Variants in CNTLN observed in about 807,000 individuals in gnomAD.
CNTLN encodes the protein centlein, centrosomal protein.
Under a neutral mutation model 180.0 loss-of-function variants are expected in CNTLN, and 212 were observed. That is an observed-to-expected ratio of 1.18 (90% confidence interval 1.05 to 1.32). The LOEUF is 1.32. Ranked by LOEUF, CNTLN falls within the 40% of genes most tolerant of loss-of-function variation. CNTLN has a pLI of 0.00. For missense variants in CNTLN, 2,095 were observed against 1,610.9 expected, an observed-to-expected ratio of 1.30 and a Z score of -5.14; for synonymous variants, 722 against 563.1, an observed-to-expected ratio of 1.28 and a Z score of -3.99.
rs770575198 is a variant in CNTLN, at chr9:17,273,867, G to T, written c.983+1G>T. 1 of 1,540,712 alleles carries T rather than the reference G, an allele frequency of 6.5e-7. No individual in the cohort carries two copies. Among genetic ancestry groups the T allele is most frequent in the South Asian group, 1.3e-5 (1 of 78,668 alleles). Reference sequence around the variant, plus strand: ...AGGATATGGATATTACCCTGGTCAGGCAAGTATATTCAATTTTTAATTTAA... The same window carrying T: ...AGGATATGGATATTACCCTGGTCAGTCAAGTATATTCAATTTTTAATTTAA... On this transcript the variant is annotated splice_donor_variant, in intron 6 of 25. Transcript: ENST00000380647. LOFTEE classifies it high-confidence loss of function.
chr9:17,181,743 C>T (rs976392148), intron 2 of CNTLN, among the ~76,000 whole-genome samples: 1 of 152,228 alleles, frequency 6.6e-6, no homozygotes, highest in African/African-American at 2.4e-5. Flanking sequence ...TTAGGTTCCC[C>T]TCTGGTCTCT....
Position 17,242,935 on chromosome 9 carries a change from A to AG in CNTLN, c.849+6347_849+6348insG, listed in dbSNP as rs1825585122. ...GCAGGATTGGTGTTAGCTCTTATTT[A>AG]AAAGTTTGGTAGAAATCAGCGGTGA... On this transcript the variant is annotated intron_variant, in intron 5 of 25. Coordinates refer to ENST00000380647, the MANE Select transcript of CNTLN (RefSeq NM_017738.4). Among the ~76,000 whole-genome samples the AG allele has an allele frequency of 3.3e-5, 5 of 152,244 alleles. No homozygotes were observed. In the South Asian group the frequency reaches 1.0e-3, roughly 32 times the overall value.
At chr9:17,446,443 AATG>A (rs1330367675) in intron 18 of CNTLN, among the ~76,000 whole-genome samples, 4 of 152,156 alleles carry the variant, frequency 2.6e-5, no homozygotes, top group Non-Finnish European at 5.9e-5. Context: ...TGGAGCTGCA[AATG>A]ATGATCTTTA....
intron 2 of CNTLN, among the ~76,000 whole-genome samples, chr9:17,198,809 T>G (rs1488389270): frequency 1.3e-5 from 2 of 152,052 alleles, no homozygotes; most frequent in Admixed American, 6.6e-5. Context: ...TTTAGTTTGC[T>G]GAGGATGATA....
chr9:17,170,724 C>T (rs1451776803), intron 2 of CNTLN, among the ~76,000 whole-genome samples: 1 of 151,466 alleles, frequency 6.6e-6, no homozygotes, highest in Non-Finnish European at 1.5e-5. Flanking sequence ...TTTAATCATC[C>T]ATCTGTGTTC....
the CNTLN span, among the ~76,000 whole-genome samples, chr9:17,510,532 AG>A: frequency 1.3e-5 from 2 of 152,170 alleles, no homozygotes; most frequent in African/African-American, 2.4e-5. Flanking sequence ...TCAGTAAAGC[AG>A]ATTGCCCTCC....
intron 7 of CNTLN, chr9:17,301,388 G>C (rs991248383): frequency 1.3e-5 from 13 of 985,334 alleles, no homozygotes; most frequent in Non-Finnish European, 1.6e-5. Context: ...TTGTGTTTGT[G>C]AATGATATTG....
intron 8 of CNTLN, among the ~76,000 whole-genome samples, chr9:17,315,755 C>A (rs1288799498): frequency 1.3e-5 from 2 of 151,698 alleles, no homozygotes; most frequent in African/African-American, 4.8e-5. Context: ...GATGTTTTAC[C>A]CATCTATATT....
chr9:17,360,351 A>G (rs1207894868), intron 12 of CNTLN, among the ~76,000 whole-genome samples: 5 of 152,174 alleles, frequency 3.3e-5, no homozygotes, highest in African/African-American at 9.6e-5. Flanking sequence ...AGCATGGGTA[A>G]GTGGGAATTT....
intron 16 of CNTLN, among the ~76,000 whole-genome samples, chr9:17,415,474 C>T (rs1476137935): frequency 6.6e-6 from 1 of 152,088 alleles, no homozygotes; most frequent in African/African-American, 2.4e-5. Context: ...TCTGTATCTT[C>T]TGCCTGCTGG....
chr9:17,199,146 A>G (rs915695546), intron 2 of CNTLN, among the ~76,000 whole-genome samples: 3 of 151,740 alleles, frequency 2.0e-5, no homozygotes, highest in Non-Finnish European at 2.9e-5. Context: ...ACTGCCACCA[A>G]CAGTATAAAA....
chr9:17,470,599 G>A (rs1392585638), intron 23 of CNTLN, among the ~76,000 whole-genome samples: 1 of 151,900 alleles, frequency 6.6e-6, no homozygotes, highest in Non-Finnish European at 1.5e-5. Flanking sequence ...TGAGCATCTG[G>A]GCTGGATATA....
chr9:17,146,927 T>C (rs879404154), intron 2 of CNTLN, among the ~76,000 whole-genome samples: 4 of 152,186 alleles, frequency 2.6e-5, no homozygotes, highest in Admixed American at 2.6e-4. Context: ...GGGTAACTTC[T>C]GTTTGTTCTT....
At chr9:17,236,356 GTTTT>G in intron 4 of CNTLN, 49 bp from the exon 5 acceptor site, 1 of 1,461,206 alleles carries the variant, frequency 6.8e-7, no homozygotes. Context: ...CATTTTTTGG[GTTTT>G]TTGTTTCGTT....
intron 2 of CNTLN, among the ~76,000 whole-genome samples, chr9:17,188,999 T>C (rs1821615718): frequency 6.6e-6 from 1 of 151,730 alleles, no homozygotes; most frequent in Non-Finnish European, 1.5e-5. Context: ...TTGTATTCCT[T>C]TAAGGAATTA....
intron 7 of CNTLN, among the ~76,000 whole-genome samples, chr9:17,307,950 A>G (rs925273856): frequency 6.7e-6 from 1 of 149,148 alleles, no homozygotes; most frequent in African/African-American, 2.5e-5. Context: ...TTATTGTAAG[A>G]TTTTACTGTT....
chr9:17,466,588 C>T, intron 22 of CNTLN, 118 bp from the exon 23 acceptor site: 4 of 763,166 alleles, frequency 5.2e-6, no homozygotes, highest in Non-Finnish European at 8.1e-6. Flanking sequence ...TAATTTTACC[C>T]AAATAATAAA....
At chr9:17,319,117 CAG>C (rs1024132704) in intron 8 of CNTLN, among the ~76,000 whole-genome samples, 5 of 152,180 alleles carry the variant, frequency 3.3e-5, no homozygotes, top group African/African-American at 1.2e-4. Flanking sequence ...AAAGCTTTCA[CAG>C]AGAAAACAAC....
chr9:17,318,768 T>C (rs1819705439), intron 8 of CNTLN, among the ~76,000 whole-genome samples: 1 of 152,162 alleles, frequency 6.6e-6, no homozygotes, highest in Non-Finnish European at 1.5e-5. Context: ...TAGTAACATA[T>C]ACTTTATCAT....
Sources: allele counts gnomAD v4.1 joint callset (sites outside exome capture counted in the v4.1 genomes callset), GRCh38; gene constraint gnomAD v4.1.1; transcripts MANE v1.5; gene names NCBI Gene and HGNC (gene_info 2026-07-23, HGNC 2026-07-21).